Variants in BICC1 observed in about 807,000 individuals in gnomAD.
BICC1 encodes BicC family RNA binding protein 1, also known as protein bicaudal C homolog 1.
Under a neutral mutation model 111.0 loss-of-function variants are expected in BICC1, and 43 were observed. That is an observed-to-expected ratio of 0.39 (90% confidence interval 0.30 to 0.50). The LOEUF (loss-of-function observed/expected upper bound fraction) is 0.50. Ranked by LOEUF, BICC1 falls within the 20% of genes least tolerant of loss-of-function variation. BICC1 has a pLI of 0.88. For synonymous variants in BICC1, 467 were observed against 434.4 expected, an observed-to-expected ratio of 1.07 and a Z score of -0.93; for missense variants, 1,091 against 1,203.2, an observed-to-expected ratio of 0.91 and a Z score of 1.38.
chr10:58,601,565 T>G (rs1446954049), intron 1 of BICC1, among the ~76,000 whole-genome samples: 1 of 151,988 alleles, frequency 6.6e-6, no homozygotes, highest in African/African-American at 2.4e-5. Context: ...TCTTCTTACT[T>G]GGATTATATT....
chr10:58,717,253 T>G (rs184703015), intron 3 of BICC1, among the ~76,000 whole-genome samples: 14 of 152,310 alleles, frequency 9.2e-5, no homozygotes, highest in Admixed American at 7.8e-4. Flanking sequence ...TAGGCTACAA[T>G]GTTTAGCTTT....
At chr10:58,722,304 G>A (rs2132526662) in intron 3 of BICC1, among the ~76,000 whole-genome samples, 1 of 152,246 alleles carries the variant, frequency 6.6e-6, no homozygotes, top group East Asian at 1.9e-4. Context: ...GCTTTCCTTA[G>A]CCCTGTGATC....
At chr10:58,681,040 T>C (rs1256101617) in intron 2 of BICC1, among the ~76,000 whole-genome samples, 1 of 152,218 alleles carries the variant, frequency 6.6e-6, no homozygotes, top group Non-Finnish European at 1.5e-5. Context: ...GATTAAGGTT[T>C]TAAATGTAAG....
chr10:58,566,873 T>C (rs1192806206), intron 1 of BICC1, among the ~76,000 whole-genome samples: 1 of 152,116 alleles, frequency 6.6e-6, no homozygotes, highest in Non-Finnish European at 1.5e-5. Context: ...GCAAGCTTGC[T>C]TACCTGGTGT....
chr10:58,826,418 T>C (rs1223557594), intron 20 of BICC1, among the ~76,000 whole-genome samples: 1 of 152,124 alleles, frequency 6.6e-6, no homozygotes, highest in Non-Finnish European at 1.5e-5. Flanking sequence ...GTAAGTGTCC[T>C]ATTCTGGAAA....
intron 1 of BICC1, among the ~76,000 whole-genome samples, chr10:58,550,354 T>C (rs1223886648): frequency 6.6e-6 from 1 of 152,166 alleles, no homozygotes; most frequent in Non-Finnish European, 1.5e-5. Flanking sequence ...TTATCAGACA[T>C]GTTTTCTAAA....
rs146296508 is a variant in BICC1 at position 58,642,331 on chromosome 10, T to A, written c.237+21430T>A. Among the ~76,000 whole-genome samples, 57 of 152,324 alleles carry A rather than the reference T, an allele frequency of 3.7e-4. No individual in the cohort carries two copies. The East Asian group carries it at 0.01, about 27-fold the overall frequency. ...TTTCATGTACTGAGTACTGTCATTATGTAGATCTTAGCTTGTCTTCCCTGA... is the reference window on the plus strand; with the variant it reads ...TTTCATGTACTGAGTACTGTCATTAAGTAGATCTTAGCTTGTCTTCCCTGA... On this transcript the variant is annotated intron_variant, in intron 2 of 20. Coordinates refer to ENST00000373886, the MANE Select transcript of BICC1 (RefSeq NM_001080512.3).
intron 1 of BICC1, among the ~76,000 whole-genome samples, chr10:58,586,710 A>G (rs577572282): frequency 6.6e-6 from 1 of 152,252 alleles, no homozygotes; most frequent in Admixed American, 6.5e-5. Context: ...CATGCATACT[A>G]CAGACTACAT....
chr10:58,776,839 T>C (rs1164058320), intron 3 of BICC1, among the ~76,000 whole-genome samples: 2 of 152,174 alleles, frequency 1.3e-5, no homozygotes, highest in African/African-American at 4.8e-5. Flanking sequence ...TCCTCTTCCT[T>C]ATCTCTGGAA....
intron 1 of BICC1, among the ~76,000 whole-genome samples, chr10:58,529,943 T>G (rs1013400852): frequency 1.3e-5 from 2 of 151,834 alleles, no homozygotes. Flanking sequence ...AATGATTAGC[T>G]TTCAAGCTTG....
At chr10:58,600,132 G>A (rs1407262375) in intron 1 of BICC1, among the ~76,000 whole-genome samples, 1 of 152,104 alleles carries the variant, frequency 6.6e-6, no homozygotes, top group Non-Finnish European at 1.5e-5. Flanking sequence ...CTGCCCATGT[G>A]TGTTGGGGGC....
chr10:58,542,765 G>A (rs990611520), intron 1 of BICC1, among the ~76,000 whole-genome samples: 2 of 151,796 alleles, frequency 1.3e-5, no homozygotes, highest in Non-Finnish European at 2.9e-5. Context: ...GGCATGAAAA[G>A]ATCAACATCA....
At chr10:58,575,607 G>T (rs1224421173) in intron 1 of BICC1, among the ~76,000 whole-genome samples, 1 of 151,388 alleles carries the variant, frequency 6.6e-6, no homozygotes, top group Non-Finnish European at 1.5e-5. Context: ...TTTTTGTTAA[G>T]AAATAGGGTC....
intron 1 of BICC1, among the ~76,000 whole-genome samples, chr10:58,564,661 C>G (rs752243371): frequency 6.6e-6 from 1 of 152,158 alleles, no homozygotes; most frequent in Non-Finnish European, 1.5e-5. Context: ...GAATCACTGG[C>G]CTTTCAATTA....
At chr10:58,596,907 CACAA>C (rs1844833731) in intron 1 of BICC1, among the ~76,000 whole-genome samples, 1 of 152,098 alleles carries the variant, frequency 6.6e-6, no homozygotes, top group Admixed American at 6.5e-5. Context: ...TAGGAGAGGA[CACAA>C]ACAAATGGAA....
rs1843436684 is a variant in BICC1, at chr10:58,798,646, C to T, written c.1528+86C>T. 3.9e-6 allele frequency: 5 copies of T among 1,276,528 alleles called. No homozygotes were observed. In the Admixed American group the frequency reaches 8.4e-5, roughly 21 times the overall value. The allele number at this position is 1,276,528 out of a possible 1,614,324, so 79.1% of individuals were successfully genotyped here. A position where few individuals can be genotyped will look rare whatever the true frequency, so the allele number is the denominator to read the frequency against. The stretch of plus-strand genomic sequence containing the variant: ...TAAAATTTACGAAGGGCTCAGTTTT[C>T]TTAAGGCAAAATTAGGGTTCAAAGC... On this transcript the variant is annotated intron_variant, in intron 11 of 20. Coordinates refer to ENST00000373886, the MANE Select transcript of BICC1 (RefSeq NM_001080512.3).
intron 1 of BICC1, among the ~76,000 whole-genome samples, chr10:58,571,196 C>G (rs1206461884): frequency 6.6e-6 from 1 of 152,150 alleles, no homozygotes; most frequent in African/African-American, 2.4e-5. Flanking sequence ...AATTCAGGGA[C>G]TTGCATAATT....
At chr10:58,555,496 A>C (rs1465783378) in intron 1 of BICC1, among the ~76,000 whole-genome samples, 2 of 152,082 alleles carry the variant, frequency 1.3e-5, no homozygotes, top group Non-Finnish European at 2.9e-5. Flanking sequence ...CAAGATCAAA[A>C]AAGGGAAGCT....
intron 1 of BICC1, among the ~76,000 whole-genome samples, chr10:58,577,982 C>T (rs1844161456): frequency 6.6e-6 from 1 of 152,044 alleles, no homozygotes; most frequent in Non-Finnish European, 1.5e-5. Flanking sequence ...ATTATTATTC[C>T]TCAATGGAAG....
Sources: allele counts gnomAD v4.1 joint callset (sites outside exome capture counted in the v4.1 genomes callset), GRCh38; gene constraint gnomAD v4.1.1; transcripts MANE v1.5; gene names NCBI Gene and HGNC (gene_info 2026-07-23, HGNC 2026-07-21).